Variants in BAIAP2 observed in about 807,000 individuals in gnomAD.
BAIAP2 encodes BAR/IMD domain-containing adapter protein 2.
In BAIAP2, 18 loss-of-function variants were observed where a neutral mutation model predicts 63.0. That is an observed-to-expected ratio of 0.29 (90% CI 0.20 to 0.42). The LOEUF is 0.42. BAIAP2 is among the 10% of genes least tolerant of loss of function. The pLI, the probability that BAIAP2 is intolerant of heterozygous loss-of-function variation, is 1.00. For synonymous variants in BAIAP2, 386 were observed against 307.6 expected (o/e 1.25, Z -2.67); for missense variants, 610 against 734.3 (o/e 0.83, Z 1.96).
intron 3 of BAIAP2, among the ~76,000 whole-genome samples, chr17:81,075,905 G>T (rs971882463): frequency 6.6e-6 from 1 of 151,982 alleles, no homozygotes; most frequent in Non-Finnish European, 1.5e-5. Context: ...TTCTGCCAGG[G>T]TCTGTGTATA....
rs1473208091 is a variant in BAIAP2, at chr17:81,117,402, A to G, written c.*1563A>G. 2.0e-5 allele frequency: 3 copies of G among 152,324 alleles called. No individual in the cohort carries two copies. Among genetic ancestry groups the G allele is most frequent in the African/African-American group, 7.2e-5 (3 of 41,470 alleles). 9.4% of individuals were successfully genotyped at this position (152,324 alleles called of 1,614,324 possible). The stretch of plus-strand genomic sequence containing the variant: ...ACAAAACAAATCCCCCTGCGAAGCA[A>G]CAATAAACTTTACATCTCTTTGGCA... On this transcript the variant is annotated 3_prime_UTR_variant, in exon 14 of 14. Coordinates refer to ENST00000428708, the MANE Select transcript of BAIAP2 (RefSeq NM_001144888.2).
At chr17:81,087,250 G>GTC (rs2055835285) in intron 6 of BAIAP2, among the ~76,000 whole-genome samples, 1 of 152,250 alleles carries the variant, frequency 6.6e-6, no homozygotes, top group Non-Finnish European at 1.5e-5. Context: ...CACCCAGGTA[G>GTC]AAGCTTCTGG....
intron 13 of BAIAP2, chr17:81,109,849 C>T (rs1029987234): frequency 4.5e-5 from 44 of 985,288 alleles, no homozygotes; most frequent in East Asian, 1.1e-4. Flanking sequence ...GTGAGGGCAT[C>T]GATGCTGCCC....
intron 1 of BAIAP2, among the ~76,000 whole-genome samples, chr17:81,050,044 C>A (rs183059981): frequency 1.5e-4 from 23 of 152,338 alleles, no homozygotes; most frequent in Middle Eastern, 3.4e-3. Context: ...TCAGGGGCCA[C>A]TGGGCTCCTC....
chr17:81,082,245 A>G (rs190145884), intron 3 of BAIAP2, among the ~76,000 whole-genome samples: 78 of 152,200 alleles, frequency 5.1e-4, no homozygotes, highest in Admixed American at 1.6e-3. Flanking sequence ...GCATAAGCAC[A>G]CCCGTGTACG....
chr17:81,072,076 A>G (rs937305475), intron 3 of BAIAP2, among the ~76,000 whole-genome samples: 2 of 152,002 alleles, frequency 1.3e-5, no homozygotes, highest in Non-Finnish European at 2.9e-5. Context: ...TCGAGCGCCC[A>G]CGTAGGGCTG....
chr17:81,085,817 C>A, intron 5 of BAIAP2, 92 bp downstream of exon 5: 1 of 1,000,920 alleles, frequency 1.0e-6, no homozygotes, highest in Non-Finnish European at 1.5e-6. Flanking sequence ...TGAAGGCTTC[C>A]CACTTCCCCG....
At chr17:81,051,030 C>G (rs1461056688) in intron 1 of BAIAP2, among the ~76,000 whole-genome samples, 1 of 151,904 alleles carries the variant, frequency 6.6e-6, no homozygotes, top group Non-Finnish European at 1.5e-5. Flanking sequence ...TTGTCTCTGG[C>G]TCACGTTCTC....
Position 81,106,166 on chromosome 17 carries a change from G to A in BAIAP2, c.1337+20G>A, listed in dbSNP as rs894354925. 31 of 1,565,870 alleles carry A rather than the reference G, an allele frequency of 2.0e-5. No homozygotes were observed. The highest frequency in any genetic ancestry group is 2.7e-5 in the Non-Finnish European group (31 of 1,154,948). On this transcript the variant is annotated intron_variant, in intron 11 of 13. Coordinates refer to ENST00000428708, the MANE Select transcript of BAIAP2 (RefSeq NM_001144888.2). ...CATGAGGTGAGCTCTGGGCCCAACG[G>A]GAGTGTAAGATCCCCAGCTCGGGAG...
At chr17:81,083,294 AGAG>A (rs2054956120) in intron 3 of BAIAP2, 2 of 152,310 alleles carry the variant, frequency 1.3e-5, no homozygotes, top group Admixed American at 1.3e-4. Flanking sequence ...GGACGTCAGC[AGAG>A]GAGGAAAGTC....
At chr17:81,063,841 G>C (rs963267870) in intron 3 of BAIAP2, 5 of 152,352 alleles carry the variant, frequency 3.3e-5, no homozygotes, top group Non-Finnish European at 5.9e-5. Context: ...GCTGCCCCAG[G>C]ATGGGAGGAT....
At chr17:81,103,465 G>A (rs771464994) in intron 7 of BAIAP2, 37 bp from the exon 8 acceptor site, 11 of 1,527,302 alleles carry the variant, frequency 7.2e-6, no homozygotes, top group East Asian at 4.9e-5. Context: ...AGACTGAGCC[G>A]GCCCTGACCC....
intron 6 of BAIAP2, 138 bp from the exon 7 acceptor site, chr17:81,099,790 C>T (rs963840538): frequency 2.4e-5 from 24 of 982,064 alleles, no homozygotes; most frequent in Non-Finnish European, 3.4e-5. Context: ...TCCTGAGTGG[C>T]CGCAGATGCT....
intron 13 of BAIAP2, chr17:81,110,533 C>T: frequency 8.9e-7 from 1 of 1,120,676 alleles, no homozygotes. Flanking sequence ...TATGGACCTC[C>T]TTCCGGTTCC....
chr17:81,098,790 A>G (rs1406344576), intron 6 of BAIAP2, among the ~76,000 whole-genome samples: 1 of 152,142 alleles, frequency 6.6e-6, no homozygotes, highest in African/African-American at 2.4e-5. Context: ...AGCCAGGGCC[A>G]CAGACGCAAG....
At chr17:81,106,367 G>C (rs1385484168) in intron 11 of BAIAP2, among the ~76,000 whole-genome samples, 1 of 152,218 alleles carries the variant, frequency 6.6e-6, no homozygotes, top group Non-Finnish European at 1.5e-5. Flanking sequence ...GGGGACACCA[G>C]AGCAGGCAGC....
intron 7 of BAIAP2, among the ~76,000 whole-genome samples, chr17:81,101,514 C>A (rs1349381322): frequency 6.6e-6 from 1 of 152,210 alleles, no homozygotes; most frequent in East Asian, 1.9e-4. Context: ...GTTCCGGAGC[C>A]AAGCCCACCA....
intron 13 of BAIAP2, 80 bp downstream of exon 13, chr17:81,108,589 C>A (rs1050166206): frequency 1.9e-6 from 3 of 1,551,274 alleles, no homozygotes; most frequent in Non-Finnish European, 2.7e-6. Context: ...TCTGCTAGGA[C>A]CTGGGGCCAC....
At chr17:81,109,699 C>G (rs2059664179) in intron 13 of BAIAP2, 4 of 985,368 alleles carry the variant, frequency 4.1e-6, no homozygotes, top group Non-Finnish European at 4.8e-6. Context: ...GTACATAGAG[C>G]AGCGCGGCAC....
Sources: gnomAD v4.1 joint callset for allele counts (sites outside exome capture counted in the v4.1 genomes callset) on GRCh38, gnomAD v4.1.1 for gene constraint, MANE v1.5 for transcripts, NCBI Gene and HGNC (gene_info 2026-07-23, HGNC 2026-07-21) for gene names.